The following RUNX1 variants were observed in gnomAD, a reference collection of about 807,000 sequenced individuals.
The protein encoded by RUNX1 is runt-related transcription factor 1.
Under a neutral mutation model 42.8 loss-of-function variants are expected in RUNX1, and 19 were observed. That is an observed-to-expected ratio of 0.44 (90% CI 0.31 to 0.65). The LOEUF is 0.65. Among genes scored for constraint, RUNX1 ranks in the 30% least tolerant of loss-of-function variants. RUNX1 has a pLI of 0.07. For missense variants in RUNX1, 528 were observed against 672.0 expected, an observed-to-expected ratio of 0.79 and a Z score of 2.37; for synonymous variants, 271 against 289.4, an observed-to-expected ratio of 0.94 and a Z score of 0.64.
At chr21:34,919,294 G>A (rs1339186735) in intron 2 of RUNX1, among the ~76,000 whole-genome samples, 2 of 152,186 alleles carry the variant, frequency 1.3e-5, no homozygotes, top group Admixed American at 6.5e-5. Flanking sequence ...GATGACCATG[G>A]AGAGAAGGGA....
At chr21:34,833,093 G>C (rs1258625310) in intron 7 of RUNX1, 1 of 152,374 alleles carries the variant, frequency 6.6e-6, no homozygotes, top group East Asian at 1.9e-4. Context: ...GAGAACCCAT[G>C]TTTTTGTTTG....
chr21:35,039,997 G>C (rs1009344182), intron 2 of RUNX1, among the ~76,000 whole-genome samples: 2 of 152,164 alleles, frequency 1.3e-5, no homozygotes, highest in African/African-American at 4.8e-5. Context: ...CATGAAAGGG[G>C]CTGGGATAAG....
At chr21:34,957,256 T>A (rs559380038) in intron 2 of RUNX1, among the ~76,000 whole-genome samples, 1 of 152,262 alleles carries the variant, frequency 6.6e-6, no homozygotes, top group East Asian at 1.9e-4. Context: ...AATGTGATAA[T>A]TATCAATTAT....
In RUNX1 at chr21:34,792,646, T is replaced by C. The variant is rs1348569095; in HGVS notation, c.968-36A>G. On this transcript the variant is annotated intron_variant, in intron 8 of 8. Coordinates refer to ENST00000675419, the MANE Select transcript of RUNX1 (RefSeq NM_001754.5). This position sits in a 1 kb window ranked among gnomAD's most constrained non-coding sequence, Gnocchi z 6.9. Reference sequence around the variant, plus strand: ...GGCAAGAGAACGGAGCGGAAGTGAGTAGGAGGTTGCGGAGGCCACAGCTCT... The same window carrying C: ...GGCAAGAGAACGGAGCGGAAGTGAGCAGGAGGTTGCGGAGGCCACAGCTCT... 5.2e-6 allele frequency: 8 copies of C among 1,534,712 alleles called. No individual in the cohort carries two copies. The highest frequency in any genetic ancestry group is 2.0e-5 in the Admixed American group (1 of 50,784).
chr21:34,987,570 G>C (rs958342503), intron 2 of RUNX1, among the ~76,000 whole-genome samples: 1 of 152,166 alleles, frequency 6.6e-6, no homozygotes, highest in Admixed American at 6.5e-5. Context: ...TTTTCACGCA[G>C]GCATGAGAAA....
intron 6 of RUNX1, among the ~76,000 whole-genome samples, chr21:34,852,719 AG>A (rs1171820643): frequency 1.3e-5 from 2 of 152,138 alleles, no homozygotes; most frequent in Non-Finnish European, 2.9e-5. Context: ...TTTAGGTGGG[AG>A]GGGAGGAAGA....
intron 2 of RUNX1, among the ~76,000 whole-genome samples, chr21:34,987,798 A>C (rs1350389674): frequency 6.6e-6 from 1 of 152,188 alleles, no homozygotes; most frequent in African/African-American, 2.4e-5. Flanking sequence ...GAAAAGAGAA[A>C]ATGAAAGACA....
intron 2 of RUNX1, among the ~76,000 whole-genome samples, chr21:34,919,525 T>C (rs2058337973): frequency 6.6e-6 from 1 of 152,242 alleles, no homozygotes; most frequent in Non-Finnish European, 1.5e-5. Context: ...GGCCTGCCTT[T>C]TGCTGCAATA....
intron 8 of RUNX1, chr21:34,797,927 G>C (rs2056552906): frequency 2.3e-6 from 1 of 434,172 alleles, no homozygotes; most frequent in Non-Finnish European, 4.7e-6. Context: ...AGAGGCCAAG[G>C]ATGCTGCTAA....
At chr21:34,837,180 T>C (rs2057159240) in intron 6 of RUNX1, among the ~76,000 whole-genome samples, 1 of 152,200 alleles carries the variant, frequency 6.6e-6, no homozygotes, top group African/African-American at 2.4e-5. Context: ...AGAAAACAAT[T>C]CTTCACTCTA....
chr21:34,818,665 A>G (rs2056865423), intron 7 of RUNX1, among the ~76,000 whole-genome samples: 2 of 152,244 alleles, frequency 1.3e-5, no homozygotes, highest in African/African-American at 2.4e-5. Flanking sequence ...GCAGCCAGCC[A>G]GAGACTCAAC....
At chr21:34,985,271 T>C (rs536166055) in intron 2 of RUNX1, among the ~76,000 whole-genome samples, 18 of 152,072 alleles carry the variant, frequency 1.2e-4, no homozygotes, top group African/African-American at 4.1e-4. Flanking sequence ...GAGCAGGGAG[T>C]AATAGGCTGC....
chr21:34,945,691 T>C (rs1286640931), intron 2 of RUNX1, among the ~76,000 whole-genome samples: 1 of 152,254 alleles, frequency 6.6e-6, no homozygotes, highest in Non-Finnish European at 1.5e-5. Flanking sequence ...TTCACCTCTC[T>C]GACAGTTCCT....
intron 2 of RUNX1, among the ~76,000 whole-genome samples, chr21:34,951,547 A>C (rs1004170997): frequency 6.6e-6 from 1 of 152,188 alleles, no homozygotes. Context: ...AAAACAAACA[A>C]CACCATCAAA....
At chr21:34,824,582 G>T (rs1156713737) in intron 7 of RUNX1, among the ~76,000 whole-genome samples, 1 of 152,130 alleles carries the variant, frequency 6.6e-6, no homozygotes, top group Admixed American at 6.5e-5. Flanking sequence ...GAAGGCAATT[G>T]TTCAATAATG....
intron 2 of RUNX1, among the ~76,000 whole-genome samples, chr21:34,965,813 T>C (rs2058714727): frequency 6.6e-6 from 1 of 152,212 alleles, no homozygotes; most frequent in South Asian, 2.1e-4. Context: ...TACCTCCTTG[T>C]GCCTTGCCAT....
intron 7 of RUNX1, among the ~76,000 whole-genome samples, chr21:34,801,395 G>C (rs2056605859): frequency 6.6e-6 from 1 of 152,206 alleles, no homozygotes; most frequent in Admixed American, 6.5e-5. Context: ...TAGTGAAAAA[G>C]TCGTGCTAGG....
At chr21:34,805,831 GTATT>G (rs2056671272) in intron 7 of RUNX1, among the ~76,000 whole-genome samples, 1 of 152,118 alleles carries the variant, frequency 6.6e-6, no homozygotes, top group Non-Finnish European at 1.5e-5. Flanking sequence ...TAGTAACAAA[GTATT>G]GAGTGATTAT....
intron 7 of RUNX1, chr21:34,834,018 C>CGT (rs145016888): frequency 1.4e-3 from 502 of 353,704 alleles, no homozygotes; most frequent in Middle Eastern, 4.1e-3. Flanking sequence ...CTTTGCTTGA[C>CGT]GTGTGTGTGT....
Sources: gnomAD v4.1 joint callset for allele counts (sites outside exome capture counted in the v4.1 genomes callset) on GRCh38, gnomAD v4.1.1 for gene constraint, Gnocchi (gnomAD v3.1) non-coding constraint, MANE v1.5 for transcripts, NCBI Gene and HGNC (gene_info 2026-07-23, HGNC 2026-07-21) for gene names.